The following IFRD1 variants were observed in gnomAD, a reference collection of about 807,000 sequenced individuals.
The protein encoded by IFRD1 is interferon-related developmental regulator 1.
In IFRD1, 35 loss-of-function variants were observed where a neutral mutation model predicts 52.9. That is an observed-to-expected ratio of 0.66 (90% CI 0.51 to 0.88). IFRD1 has a LOEUF of 0.88. IFRD1 is among the 40% of genes least tolerant of loss of function. The pLI is 0.00. For missense variants in IFRD1, 517 were observed against 550.8 expected, an observed-to-expected ratio of 0.94 and a Z score of 0.61; for synonymous variants, 184 against 188.4, an observed-to-expected ratio of 0.98 and a Z score of 0.19.
At chr7:112,446,763 G>C (rs115504256), upstream of IFRD1, among the ~76,000 whole-genome samples, 1 of 152,134 alleles carries the variant, frequency 6.6e-6, no homozygotes, top group Non-Finnish European at 1.5e-5. Flanking sequence ...GTGTTTTTAA[G>C]TTGGCAAAGA....
At chr7:112,460,800 A>C (rs1795415931) in intron 5 of IFRD1, among the ~76,000 whole-genome samples, 1 of 152,180 alleles carries the variant, frequency 6.6e-6, no homozygotes, top group Non-Finnish European at 1.5e-5. Flanking sequence ...GCCTGATACC[A>C]ATGGTGACTT....
intron 1 of IFRD1, chr7:112,452,369 C>T (rs1179725406): frequency 1.7e-6 from 1 of 584,694 alleles, no homozygotes; most frequent in African/African-American, 2.0e-5. Flanking sequence ...GTTGGCCAGG[C>T]TGGTCACGAG....
chr7:112,430,768 G>T (rs918713542), intron 1 of IFRD1, among the ~76,000 whole-genome samples: 6 of 152,148 alleles, frequency 3.9e-5, no homozygotes, highest in Non-Finnish European at 7.3e-5. Flanking sequence ...GGGTGGACTA[G>T]ACTAAAGGGA....
intron 9 of IFRD1, among the ~76,000 whole-genome samples, chr7:112,470,655 TG>T (rs1396901666): frequency 3.3e-5 from 5 of 152,190 alleles, no homozygotes; most frequent in Admixed American, 3.3e-4. Context: ...CATGAGGCAT[TG>T]GTTCCAGGAT....
chr7:112,431,263 A>G (rs1006613737), intron 1 of IFRD1, among the ~76,000 whole-genome samples: 1 of 152,234 alleles, frequency 6.6e-6, no homozygotes, highest in South Asian at 2.1e-4. Flanking sequence ...ACTATATGTC[A>G]TATTATATAT....
chr7:112,440,204 C>T (rs1479150854), intron 1 of IFRD1, among the ~76,000 whole-genome samples: 7 of 152,080 alleles, frequency 4.6e-5, no homozygotes, highest in African/African-American at 9.7e-5. Flanking sequence ...AGGCTAGTCT[C>T]GAACTCCTGA....
chr7:112,437,543 C>G (rs1234704030), intron 1 of IFRD1, among the ~76,000 whole-genome samples: 2 of 151,986 alleles, frequency 1.3e-5, no homozygotes, highest in African/African-American at 2.4e-5. Context: ...AACTGAGGAA[C>G]AGAGATTTGG....
intron 8 of IFRD1, among the ~76,000 whole-genome samples, chr7:112,467,199 G>A (rs1795629940): frequency 6.6e-6 from 1 of 152,174 alleles, no homozygotes; most frequent in East Asian, 1.9e-4. Flanking sequence ...TGCAATAAAT[G>A]TTAAACATGT....
Position 112,450,555 on chromosome 7 carries a change from C to A in IFRD1, c.-134C>A. 1.4e-6 allele frequency: 1 copy of A among 710,682 alleles called. No homozygotes were observed. Among genetic ancestry groups the A allele is most frequent in the South Asian group, 1.5e-5 (1 of 65,460 alleles). The allele number at this position is 710,682 out of a possible 1,614,324, so 44.0% of individuals were successfully genotyped here. ...CCGCCACCGCCCACTCTTACCCCCG[C>A]CGCTTCTCGACTCTGTTGTTAGCCG... On this transcript the variant is annotated 5_prime_UTR_variant, in exon 1 of 12. Coordinates refer to ENST00000403825, the MANE Select transcript of IFRD1 (RefSeq NM_001550.4).
At chr7:112,451,547 A>G (rs1584485320) in intron 1 of IFRD1, among the ~76,000 whole-genome samples, 1 of 152,036 alleles carries the variant, frequency 6.6e-6, no homozygotes, top group African/African-American at 2.4e-5. Context: ...GGTGGTGAGG[A>G]GCTTAGGTTG....
chr7:112,450,971 G>A (rs1008451674), intron 1 of IFRD1, 189 bp downstream of exon 1: 1 of 626,876 alleles, frequency 1.6e-6, no homozygotes. Context: ...ATTTAGATCT[G>A]GCGTGCGAAC....
intron 1 of IFRD1, among the ~76,000 whole-genome samples, chr7:112,453,005 T>C (rs1584486511): frequency 6.6e-6 from 1 of 152,230 alleles, no homozygotes; most frequent in Non-Finnish European, 1.5e-5. Context: ...TTTACTTGTT[T>C]AATAAACAAT....
rs141500459 is a variant in IFRD1, at chr7:112,443,715, T to A, written c.-181-6793T>A. ...GAACCCCGTCTTTACTAAAAATACATAAATTAGCCAGGCATGGTGGTGAAC... is the reference window on the plus strand; with the variant it reads ...GAACCCCGTCTTTACTAAAAATACAAAAATTAGCCAGGCATGGTGGTGAAC... On this transcript the variant is annotated intron_variant, in intron 1 of 12. Transcript: ENST00000005558. Among the ~76,000 whole-genome samples the A allele has an allele frequency of 2.7e-3, 410 of 151,150 alleles. 1 individual carries two copies. Among genetic ancestry groups the A allele is most frequent in the African/African-American group, 9.5e-3 (390 of 41,200 alleles).
At chr7:112,469,663 A>G (rs1270418405) in intron 9 of IFRD1, among the ~76,000 whole-genome samples, 2 of 152,098 alleles carry the variant, frequency 1.3e-5, no homozygotes, top group African/African-American at 4.8e-5. Context: ...TTTGAGTAGT[A>G]GATTGTAAGG....
chr7:112,450,438 G>A (rs577458538), upstream of IFRD1: 2 of 542,008 alleles, frequency 3.7e-6, no homozygotes, highest in African/African-American at 3.8e-5. Flanking sequence ...GCTACTTAAG[G>A]CGTCGTGGCC....
intron 1 of IFRD1, among the ~76,000 whole-genome samples, chr7:112,454,543 G>T (rs1334512656): frequency 1.3e-5 from 2 of 152,088 alleles, no homozygotes; most frequent in Admixed American, 6.5e-5. Flanking sequence ...TCCCTTAAAG[G>T]TAGTTTATCT....
Position 112,476,451 on chromosome 7 carries a change from A to G in IFRD1, c.*932A>G, listed in dbSNP as rs1795905562. On this transcript the variant is annotated 3_prime_UTR_variant, in exon 12 of 12. Transcript: ENST00000403825. ...TGAGGCGGGAGGATGGCATGAGCCC[A>G]GTTTGAGACCAGCCTGGGCAACATA... 1 of 152,234 alleles carries G rather than the reference A, an allele frequency of 6.6e-6. No individual in the cohort carries two copies. Among genetic ancestry groups the G allele is most frequent in the Non-Finnish European group, 1.5e-5 (1 of 68,098 alleles). The allele number at this position is 152,234 out of a possible 1,614,324, so 9.4% of individuals were successfully genotyped here. A position where few individuals can be genotyped will look rare whatever the true frequency, so the allele number is the denominator to read the frequency against.
At chr7:112,426,100 C>A (rs1183446071) in intron 1 of IFRD1, among the ~76,000 whole-genome samples, 1 of 152,150 alleles carries the variant, frequency 6.6e-6, no homozygotes, top group East Asian at 1.9e-4. Flanking sequence ...GTAATACCAG[C>A]TGCTTGGGAG....
intron 1 of IFRD1, among the ~76,000 whole-genome samples, chr7:112,445,020 G>C (rs1443012382): frequency 3.4e-5 from 5 of 148,798 alleles, no homozygotes; most frequent in Non-Finnish European, 7.4e-5. Flanking sequence ...TATGACCAAA[G>C]CCAGCCAGAG....
Sources: allele counts gnomAD v4.1 joint callset (sites outside exome capture counted in the v4.1 genomes callset), GRCh38; gene constraint gnomAD v4.1.1; transcripts MANE v1.5; gene names NCBI Gene and HGNC (gene_info 2026-07-23, HGNC 2026-07-21).